DPYD: variants seen among roughly 807,000 people sequenced by gnomAD.
The protein encoded by DPYD is dihydropyrimidine dehydrogenase, also known as dihydropyrimidine dehydrogenase [NADP(+)].
DPYD carries 109 observed loss-of-function variants against 116.2 expected under a neutral mutation model. The observed-to-expected ratio is 0.94, with a 90% CI of 0.80 to 1.10. The LOEUF (loss-of-function observed/expected upper bound fraction) is 1.10, where lower values mean the gene tolerates loss of function less well. Ranked by LOEUF, DPYD falls within the 50% of genes least tolerant of loss-of-function variation. The probability of loss-of-function intolerance (pLI) is 0.00; values close to 1 mark genes in which losing one functional copy is unlikely to be tolerated. For synonymous variants in DPYD, 440 were observed against 432.0 expected (o/e 1.02, Z -0.23); for missense variants, 1,302 against 1,254.5 (o/e 1.04, Z -0.57).
intron 13 of DPYD, among the ~76,000 whole-genome samples, chr1:97,474,096 G>A (rs1366133127): frequency 6.6e-6 from 1 of 151,196 alleles, no homozygotes; most frequent in Non-Finnish European, 1.5e-5. Context: ...ATAGGTTACC[G>A]TATGATCCAG....
At position 97,113,170 on chromosome 1, in the gene DPYD, T is replaced by C. The variant is rs536492301; in HGVS notation, c.2623-14538A>G. 4.6e-5 allele frequency among the ~76,000 whole-genome samples: 7 copies of C among 152,240 alleles called. No homozygotes were observed. The South Asian group carries it at 1.5e-3, about 32-fold the overall frequency. On this transcript the variant is annotated intron_variant, in intron 20 of 22. Coordinates refer to ENST00000370192, the MANE Select transcript of DPYD (RefSeq NM_000110.4). Reference sequence around the variant, plus strand: ...TACACACATATACATACAATGCATATCCATAATACATATATGGTATCTATA... The same window carrying C: ...TACACACATATACATACAATGCATACCCATAATACATATATGGTATCTATA...
chr1:97,213,730 T>C (rs1381952637), intron 19 of DPYD, among the ~76,000 whole-genome samples: 1 of 152,148 alleles, frequency 6.6e-6, no homozygotes, highest in East Asian at 1.9e-4. Flanking sequence ...CTTTACAAAA[T>C]TGTCAATTGT....
chr1:97,865,747 C>T (rs1239111176), intron 2 of DPYD, among the ~76,000 whole-genome samples: 2 of 151,922 alleles, frequency 1.3e-5, no homozygotes, highest in African/African-American at 2.4e-5. Context: ...GACTGAGCAA[C>T]AGCAATTCTG....
At chr1:97,764,447 A>C (rs1337963268) in intron 3 of DPYD, among the ~76,000 whole-genome samples, 1 of 152,036 alleles carries the variant, frequency 6.6e-6, no homozygotes, top group Non-Finnish European at 1.5e-5. Context: ...GTTTAGTACA[A>C]AGGTGACATT....
intron 19 of DPYD, among the ~76,000 whole-genome samples, chr1:97,223,999 C>T (rs1660948543): frequency 6.6e-6 from 1 of 151,866 alleles, no homozygotes; most frequent in South Asian, 2.1e-4. Context: ...TATAATTTAA[C>T]AGGAAGGTTT....
At chr1:97,150,723 G>A (rs986874995) in intron 20 of DPYD, among the ~76,000 whole-genome samples, 3 of 152,120 alleles carry the variant, frequency 2.0e-5, no homozygotes, top group African/African-American at 4.8e-5. Context: ...CTTCTTTCTA[G>A]GTCCTTCTCT....
chr1:97,582,092 G>GT (rs1436481978), intron 10 of DPYD, among the ~76,000 whole-genome samples: 4 of 152,162 alleles, frequency 2.6e-5, no homozygotes, highest in Admixed American at 1.3e-4. Context: ...ACCTGGAAAC[G>GT]TGAATTTAGG....
intron 19 of DPYD, among the ~76,000 whole-genome samples, chr1:97,194,272 A>T (rs1396333312): frequency 6.6e-6 from 1 of 152,088 alleles, no homozygotes; most frequent in Non-Finnish European, 1.5e-5. Flanking sequence ...GGTTATCTCC[A>T]TGCTGTTCTC....
At chr1:97,106,946 G>A (rs1651206690) in intron 20 of DPYD, among the ~76,000 whole-genome samples, 1 of 152,078 alleles carries the variant, frequency 6.6e-6, no homozygotes, top group South Asian at 2.1e-4. Context: ...TATTAGTTAT[G>A]TATGGATATA....
intron 3 of DPYD, among the ~76,000 whole-genome samples, chr1:97,817,141 T>C (rs1465502061): frequency 6.6e-6 from 1 of 152,114 alleles, no homozygotes; most frequent in Non-Finnish European, 1.5e-5. Flanking sequence ...TCACATATGG[T>C]CTACAGATGC....
Position 97,079,028 on chromosome 1 carries a change from G to C in DPYD, c.3026C>G (p.Thr1009Arg). 6.2e-7 allele frequency: 1 copy of C among 1,613,752 alleles called. No homozygotes were observed. Among genetic ancestry groups the C allele is most frequent in the Non-Finnish European group, 8.5e-7 (1 of 1,179,734 alleles). The change falls in exon 23 of 23, where the codon ACA (threonine) becomes AGA (arginine). Residue 1009 changes from threonine (T) to arginine (R), a missense_variant. Physicochemically the swap from Thr to Arg is moderately conservative, Grantham distance 71. Coordinates refer to ENST00000370192, the MANE Select transcript of DPYD (RefSeq NM_000110.4). The stretch of plus-strand genomic sequence containing the variant: ...TACGCCTCTCTTTGGTTCATAAGGT[G>C]TTGTCCTGGAAACCATTTTGATGCA... ...VDCIKMVSRTTPYEPKRGVPL... is the reference protein window; with the variant it reads ...VDCIKMVSRTRPYEPKRGVPL...
chr1:97,793,850 C>G (rs77097611), intron 3 of DPYD, among the ~76,000 whole-genome samples: 1 of 152,218 alleles, frequency 6.6e-6, no homozygotes, highest in African/African-American at 2.4e-5. Flanking sequence ...CATCATAGCA[C>G]AAGAAATTGA....
chr1:97,855,923 T>C (rs1411639509), intron 2 of DPYD: 1 of 152,204 alleles, frequency 6.6e-6, no homozygotes, highest in Non-Finnish European at 1.5e-5. Context: ...CAAGCTTCTG[T>C]GTGAACACAA....
At chr1:97,744,945 A>T (rs183235548) in intron 3 of DPYD, among the ~76,000 whole-genome samples, 2 of 152,210 alleles carry the variant, frequency 1.3e-5, no homozygotes, top group Admixed American at 1.3e-4. Flanking sequence ...AAAGGAGACA[A>T]GAAAGATGGC....
intron 3 of DPYD, among the ~76,000 whole-genome samples, chr1:97,765,997 A>G (rs1365246564): frequency 1.3e-5 from 2 of 152,162 alleles, no homozygotes. Flanking sequence ...TAATCGCAGC[A>G]CTTCAGGAGG....
At chr1:97,418,933 G>A (rs578142050) in intron 14 of DPYD, among the ~76,000 whole-genome samples, 1 of 152,024 alleles carries the variant, frequency 6.6e-6, no homozygotes, top group Non-Finnish European at 1.5e-5. Flanking sequence ...ACTGAAAAAA[G>A]GAAAAGAAAT....
intron 14 of DPYD, among the ~76,000 whole-genome samples, chr1:97,437,696 A>G (rs1375897145): frequency 1.3e-5 from 2 of 151,924 alleles, no homozygotes; most frequent in African/African-American, 4.8e-5. Context: ...CTGTATTTTC[A>G]TATTTCTTTA....
At chr1:97,525,978 AGTGTGTGTGT>A (rs71071658) in intron 12 of DPYD, among the ~76,000 whole-genome samples, 3 of 138,116 alleles carry the variant, frequency 2.2e-5, no homozygotes, top group Admixed American at 7.3e-5. Flanking sequence ...GGTAATTAAG[AGTGTGTGTGT>A]GTGTGTGTGT....
chr1:97,917,091 TA>T (rs1674256015), intron 1 of DPYD, among the ~76,000 whole-genome samples: 1 of 152,206 alleles, frequency 6.6e-6, no homozygotes, highest in African/African-American at 2.4e-5. Context: ...AAAATAGTTT[TA>T]AAAAGTTAAA....
Sources: gnomAD v4.1 joint callset for allele counts (sites outside exome capture counted in the v4.1 genomes callset) on GRCh38, gnomAD v4.1.1 for gene constraint, MANE v1.5 for transcripts, NCBI Gene and HGNC (gene_info 2026-07-23, HGNC 2026-07-21) for gene names.